The following TMEM272 variants were observed in gnomAD, a reference collection of about 807,000 sequenced individuals.
TMEM272 encodes the protein transmembrane protein 272, also known as long intergenic non-protein coding RNA 282.
TMEM272 carries 8 observed loss-of-function variants against 3.7 expected under a neutral mutation model. That is an observed-to-expected ratio of 2.17 (90% CI 1.27 to 3.91). The LOEUF is 3.91. TMEM272 is among the 30% of genes most tolerant of loss of function. The probability of loss-of-function intolerance (pLI) is 0.00; values close to 1 mark genes in which losing one functional copy is unlikely to be tolerated. For missense variants in TMEM272, 166 were observed against 91.5 expected (o/e 1.81, Z -3.32); for synonymous variants, 63 against 39.8 (o/e 1.58, Z -2.20).
chr13:51,875,774 C>A, the TMEM272 span, among the ~76,000 whole-genome samples: 1 of 152,224 alleles, frequency 6.6e-6, no homozygotes, highest in African/African-American at 2.4e-5. Flanking sequence ...CCTGGTCAGG[C>A]TCAGCTCCCA....
At chr13:51,925,036 C>A in the TMEM272 span, among the ~76,000 whole-genome samples, 1 of 152,186 alleles carries the variant, frequency 6.6e-6, no homozygotes, top group Non-Finnish European at 1.5e-5. Context: ...GCACCTCAGG[C>A]CCTTGACACC....
At chr13:51,876,090 T>C in the TMEM272 span, among the ~76,000 whole-genome samples, 89 of 152,202 alleles carry the variant, frequency 5.8e-4, no homozygotes, top group African/African-American at 1.9e-3. Flanking sequence ...CTCCCTCCAG[T>C]TTGTTCTTTG....
At chr13:51,905,314 C>T in the TMEM272 span, among the ~76,000 whole-genome samples, 1 of 152,214 alleles carries the variant, frequency 6.6e-6, no homozygotes, top group East Asian at 1.9e-4. Context: ...GATTCCAGAG[C>T]AGTCTCAGTG....
the TMEM272 span, among the ~76,000 whole-genome samples, chr13:51,875,511 C>A: frequency 6.6e-6 from 1 of 152,276 alleles, no homozygotes. Context: ...GGTTTTGATG[C>A]CAAGGCCTTT....
the TMEM272 span, among the ~76,000 whole-genome samples, chr13:51,877,431 A>G: frequency 6.6e-6 from 1 of 152,182 alleles, no homozygotes; most frequent in South Asian, 2.1e-4. Context: ...TGCTTGAGAG[A>G]ATGGGCCATA....
At chr13:51,827,030 T>C (rs1458035404) in intron 2 of TMEM272, among the ~76,000 whole-genome samples, 4 of 152,216 alleles carry the variant, frequency 2.6e-5, no homozygotes, top group African/African-American at 9.6e-5. Flanking sequence ...GGTTCTTCTC[T>C]TCCCTGGATA....
chr13:51,877,036 C>G, the TMEM272 span, among the ~76,000 whole-genome samples: 1 of 152,156 alleles, frequency 6.6e-6, no homozygotes, highest in South Asian at 2.1e-4. Flanking sequence ...CTTCTTCCAG[C>G]CAAAACTTGA....
chr13:51,846,369 T>C (rs1353022417), upstream of TMEM272, among the ~76,000 whole-genome samples: 1 of 152,248 alleles, frequency 6.6e-6, no homozygotes, highest in Admixed American at 6.5e-5. Context: ...GCAGTCATAA[T>C]GTTGTAGTGC....
chr13:51,827,890 G>C (rs1956141214), intron 2 of TMEM272, among the ~76,000 whole-genome samples: 1 of 152,194 alleles, frequency 6.6e-6, no homozygotes, highest in Non-Finnish European at 1.5e-5. Flanking sequence ...CTTATATTGG[G>C]AGATTTACTG....
the TMEM272 span, among the ~76,000 whole-genome samples, chr13:51,856,107 G>C: frequency 6.6e-6 from 1 of 152,196 alleles, no homozygotes; most frequent in Non-Finnish European, 1.5e-5. Context: ...CTTCTGATTG[G>C]CTGGGGATGA....
At chr13:51,838,662 C>T (rs1449588235) in intron 1 of TMEM272, 109 bp from the exon 2 acceptor site, 1 of 686,866 alleles carries the variant, frequency 1.5e-6, no homozygotes, top group Non-Finnish European at 2.7e-6. Flanking sequence ...TGGTCTCAGT[C>T]AGCCCGGGTG....
chr13:51,880,095 A>G, the TMEM272 span, among the ~76,000 whole-genome samples: 1 of 152,212 alleles, frequency 6.6e-6, no homozygotes, highest in Non-Finnish European at 1.5e-5. Context: ...GTCGTCAACG[A>G]AACTGTAGAT....
the TMEM272 span, among the ~76,000 whole-genome samples, chr13:51,870,531 A>T: frequency 4.1e-3 from 1 of 244 alleles, no homozygotes. Context: ...CTACTCCCTC[A>T]AGTCCCGATA....
chr13:51,863,948 C>G, the TMEM272 span, among the ~76,000 whole-genome samples: 1 of 152,156 alleles, frequency 6.6e-6, no homozygotes, highest in Non-Finnish European at 1.5e-5. Flanking sequence ...GCACTCTAAC[C>G]ACCTTCCTAT....
the TMEM272 span, among the ~76,000 whole-genome samples, chr13:51,889,885 C>G: frequency 6.6e-6 from 1 of 152,292 alleles, no homozygotes; most frequent in South Asian, 2.1e-4. Context: ...AGGTGATCCG[C>G]CCACCTCGGC....
At chr13:51,904,102 T>C in the TMEM272 span, among the ~76,000 whole-genome samples, 1 of 152,050 alleles carries the variant, frequency 6.6e-6, no homozygotes, top group African/African-American at 2.4e-5. Flanking sequence ...AGGCATGAGG[T>C]GGTTTTCTGC....
the TMEM272 span, among the ~76,000 whole-genome samples, chr13:51,892,939 G>A: frequency 2.6e-5 from 4 of 152,154 alleles, no homozygotes; most frequent in Non-Finnish European, 4.4e-5. Context: ...AAAACTCCCT[G>A]CCTTTCTTTA....
At chr13:51,859,898 T>TG in the TMEM272 span, among the ~76,000 whole-genome samples, 1 of 152,050 alleles carries the variant, frequency 6.6e-6, no homozygotes, top group East Asian at 1.9e-4. Flanking sequence ...TATTCTATTT[T>TG]TTTTTTTGTT....
chr13:51,923,775 G>A, the TMEM272 span, among the ~76,000 whole-genome samples: 3,376 of 152,138 alleles, frequency 0.022, 129 homozygotes, highest in African/African-American at 0.079. Flanking sequence ...GGAGAGGACA[G>A]GGGGACAATC....
Sources: allele counts gnomAD v4.1 joint callset (sites outside exome capture counted in the v4.1 genomes callset), GRCh38; gene constraint gnomAD v4.1.1; transcripts MANE v1.5; gene names NCBI Gene and HGNC (gene_info 2026-07-23, HGNC 2026-07-21).